Variants in PCLO observed in about 807,000 individuals in gnomAD.
PCLO encodes the protein piccolo presynaptic cytomatrix protein, also known as protein piccolo.
PCLO carries 82 observed loss-of-function variants against 427.5 expected under a neutral mutation model. The observed-to-expected ratio is 0.19, with a 90% CI of 0.16 to 0.23. The LOEUF (loss-of-function observed/expected upper bound fraction) is 0.23. Ranked by LOEUF, PCLO falls within the 10% of genes least tolerant of loss-of-function variation. The pLI is 1.00. For missense variants in PCLO, 6,239 were observed against 6,115.9 expected (o/e 1.02, Z -0.67); for synonymous variants, 2,357 against 2,155.4 (o/e 1.09, Z -2.59).
intron 2 of PCLO, among the ~76,000 whole-genome samples, chr7:83,137,386 G>A (rs184067600): frequency 5.3e-5 from 8 of 152,310 alleles, no homozygotes; most frequent in Admixed American, 5.2e-4. Flanking sequence ...GTAAAATTAT[G>A]ATATTGTTAA....
At chr7:83,142,851 C>T (rs1338089166) in intron 2 of PCLO, among the ~76,000 whole-genome samples, 2 of 151,956 alleles carry the variant, frequency 1.3e-5, no homozygotes, top group African/African-American at 2.4e-5. Flanking sequence ...CCCAGCTACT[C>T]GGGAGGCTGA....
At chr7:82,820,514 G>A (rs1290783495) in intron 20 of PCLO, 6 of 1,221,094 alleles carry the variant, frequency 4.9e-6, no homozygotes, top group Non-Finnish European at 4.1e-6. Flanking sequence ...TTATTACACA[G>A]GCACTTGGAG....
At chr7:82,924,946 C>T (rs1453856997) in intron 6 of PCLO, among the ~76,000 whole-genome samples, 1 of 152,106 alleles carries the variant, frequency 6.6e-6, no homozygotes, top group Admixed American at 6.6e-5. Flanking sequence ...GAATAAGACA[C>T]AGTCTCCTCC....
At chr7:82,780,534 T>G in intron 22 of PCLO, among the ~76,000 whole-genome samples, 1 of 132,878 alleles carries the variant, frequency 7.5e-6, no homozygotes. Flanking sequence ...TGTATGTTTT[T>G]GTTTGTTTTT....
intron 3 of PCLO, among the ~76,000 whole-genome samples, chr7:83,047,387 C>T (rs901297342): frequency 4.6e-5 from 7 of 151,896 alleles, no homozygotes; most frequent in Admixed American, 4.6e-4. Flanking sequence ...AAGCCAAATA[C>T]AATACATTAT....
At chr7:82,810,140 T>A (rs1791538610) in intron 20 of PCLO, among the ~76,000 whole-genome samples, 1 of 113,542 alleles carries the variant, frequency 8.8e-6, no homozygotes, top group East Asian at 7.4e-4. Context: ...GTGTAATATA[T>A]CTCTATTTTT....
intron 3 of PCLO, among the ~76,000 whole-genome samples, chr7:82,977,097 C>T (rs1433825357): frequency 6.6e-6 from 1 of 151,918 alleles, no homozygotes; most frequent in Admixed American, 6.6e-5. Context: ...TACACTCACC[C>T]ACTATCCACT....
At chr7:82,788,763 G>C (rs1791037854) in intron 22 of PCLO, among the ~76,000 whole-genome samples, 1 of 151,862 alleles carries the variant, frequency 6.6e-6, no homozygotes, top group African/African-American at 2.4e-5. Flanking sequence ...ATGTGGAAGA[G>C]TCGAATTGAA....
intron 22 of PCLO, among the ~76,000 whole-genome samples, chr7:82,798,080 G>A (rs372700698): frequency 2.7e-4 from 41 of 152,114 alleles, no homozygotes; most frequent in African/African-American, 9.2e-4. Flanking sequence ...TGAACAAACC[G>A]TCTAAAAGTG....
At chr7:82,847,623 G>A (rs1363891090) in intron 10 of PCLO, among the ~76,000 whole-genome samples, 1 of 152,124 alleles carries the variant, frequency 6.6e-6, no homozygotes, top group Non-Finnish European at 1.5e-5. Context: ...TTCCTGCGGG[G>A]AACAAGCTAC....
chr7:83,039,749 G>T (rs1462408195), intron 3 of PCLO, among the ~76,000 whole-genome samples: 3 of 152,052 alleles, frequency 2.0e-5, no homozygotes, highest in African/African-American at 4.8e-5. Context: ...CTTAAATTTT[G>T]ATAGAGATTA....
intron 3 of PCLO, among the ~76,000 whole-genome samples, chr7:83,089,717 G>GC (rs1647286081): frequency 6.6e-6 from 1 of 152,104 alleles, no homozygotes; most frequent in South Asian, 2.1e-4. Flanking sequence ...CTGGAGCAGG[G>GC]GAAAGAGGCA....
At chr7:82,890,836 T>C (rs1793745304) in intron 9 of PCLO, among the ~76,000 whole-genome samples, 1 of 151,966 alleles carries the variant, frequency 6.6e-6, no homozygotes, top group African/African-American at 2.4e-5. Context: ...AATATTTGTA[T>C]TTGGAAGAAA....
At position 82,995,329 on chromosome 7, in the gene PCLO, A is replaced by T. The variant is rs374073922; in HGVS notation, c.3301-28842T>A. 7.8e-4 allele frequency among the ~76,000 whole-genome samples: 119 copies of T among 152,130 alleles called. 1 individual carries two copies. The highest frequency in any genetic ancestry group is 2.7e-3 in the African/African-American group (111 of 41,542). ...GCTGCACCATAGAAACCAAGAGAAG[A>T]GAGTAAAAGAGGAATAGGCTTTTGC... On this transcript the variant is annotated intron_variant, in intron 3 of 24. Coordinates refer to ENST00000333891, the MANE Select transcript of PCLO (RefSeq NM_033026.6).
chr7:82,781,315 C>A (rs1485457931), intron 22 of PCLO, among the ~76,000 whole-genome samples: 1 of 151,770 alleles, frequency 6.6e-6, no homozygotes, highest in African/African-American at 2.4e-5. Flanking sequence ...AAATAACCAA[C>A]AACCCCCTCC....
intron 18 of PCLO, among the ~76,000 whole-genome samples, 177 bp downstream of exon 18, chr7:82,826,412 C>T (rs1184053716): frequency 6.6e-6 from 1 of 152,062 alleles, no homozygotes; most frequent in Non-Finnish European, 1.5e-5. Flanking sequence ...AGAGTGAAAA[C>T]CATTTCTTGA....
intron 3 of PCLO, among the ~76,000 whole-genome samples, chr7:83,092,860 T>C (rs1790413571): frequency 6.8e-6 from 1 of 147,970 alleles, no homozygotes; most frequent in Non-Finnish European, 1.5e-5. Context: ...GGCAGGAGAA[T>C]CACTTGAGTG....
At chr7:82,843,383 A>G (rs1171618000) in intron 13 of PCLO, among the ~76,000 whole-genome samples, 1 of 152,122 alleles carries the variant, frequency 6.6e-6, no homozygotes, top group African/African-American at 2.4e-5. Flanking sequence ...GAAGAATGGT[A>G]GTTACCAGGG....
At chr7:82,850,101 C>A (rs137856102) in intron 10 of PCLO, among the ~76,000 whole-genome samples, 2 of 152,014 alleles carry the variant, frequency 1.3e-5, no homozygotes, top group South Asian at 2.1e-4. Context: ...CTCTGCCAAC[C>A]GGGTTCAAGT....
Sources: gnomAD v4.1 joint callset for allele counts (sites outside exome capture counted in the v4.1 genomes callset) on GRCh38, gnomAD v4.1.1 for gene constraint, MANE v1.5 for transcripts, NCBI Gene and HGNC (gene_info 2026-07-23, HGNC 2026-07-21) for gene names.